CCND3: variants seen among roughly 807,000 people sequenced by gnomAD.
The protein encoded by CCND3 is cyclin D3.
CCND3 carries 9 observed loss-of-function variants against 28.7 expected under a neutral mutation model. The observed-to-expected ratio is 0.31, with a 90% CI of 0.19 to 0.55. The LOEUF is 0.55. Among genes scored for constraint, CCND3 ranks in the 20% least tolerant of loss-of-function variants. The pLI is 0.93. For missense variants in CCND3, 315 were observed against 385.8 expected, an observed-to-expected ratio of 0.82 and a Z score of 1.54; for synonymous variants, 164 against 163.9, an observed-to-expected ratio of 1.00 and a Z score of 0.00.
chr6:42,000,234 C>CGTTTT lies in CCND3; in HGVS notation c.-46+48266_-46+48267insAAAAC, dbSNP rs1762951898. Among the ~76,000 whole-genome samples the CGTTTT allele has an allele frequency of 7.8e-5, 4 of 51,010 alleles. 1 individual carries two copies. Among genetic ancestry groups the CGTTTT allele is most frequent in the Non-Finnish European group, 1.3e-4 (4 of 31,690 alleles). 33.5% of individuals were successfully genotyped at this position (51,010 alleles called of 152,430 possible). A position where few individuals can be genotyped will look rare whatever the true frequency, so the allele number is the denominator to read the frequency against. On this transcript the variant is annotated intron_variant, in intron 1 of 4. Transcript: ENST00000372988. ...AGTCTCGTGGAAATTTGAAAACATA[C>CGTTTT]TTTTTTTTTTTTTTTTTTTTTTTTT... is the stretch of plus-strand genomic sequence containing the variant.
At chr6:41,961,228 CT>C (rs1761707359) in intron 1 of CCND3, among the ~76,000 whole-genome samples, 1 of 152,028 alleles carries the variant, frequency 6.6e-6, no homozygotes, top group Non-Finnish European at 1.5e-5. Context: ...AATCCCAGCA[CT>C]TTGGGAGGCT....
intron 1 of CCND3, among the ~76,000 whole-genome samples, chr6:41,993,341 G>A (rs1381391729): frequency 1.3e-5 from 2 of 151,582 alleles, no homozygotes; most frequent in Admixed American, 6.6e-5. Flanking sequence ...GTTTTACTTG[G>A]ATTTCCCTGA....
intron 1 of CCND3, among the ~76,000 whole-genome samples, chr6:41,959,544 C>T (rs1042768593): frequency 1.3e-4 from 20 of 151,392 alleles, no homozygotes; most frequent in East Asian, 2.0e-4. Flanking sequence ...ATTAGCTGGG[C>T]GTGGTGGTGT....
At chr6:42,036,403 A>ATATATATT (rs57619585) in intron 1 of CCND3, among the ~76,000 whole-genome samples, 24 of 31,322 alleles carry the variant, frequency 7.7e-4, no homozygotes, top group South Asian at 2.1e-3. Flanking sequence ...ATATATATAT[A>ATATATATT]TTTTTTTTTT....
chr6:41,942,893 T>TTTTTC, upstream of CCND3, among the ~76,000 whole-genome samples: 1 of 147,616 alleles, frequency 6.8e-6, no homozygotes, highest in Admixed American at 6.7e-5. Context: ...TTTTTTTTTT[T>TTTTTC]TTTGAGACGA....
intron 1 of CCND3, among the ~76,000 whole-genome samples, chr6:41,995,163 T>C (rs1028779490): frequency 6.6e-6 from 1 of 152,178 alleles, no homozygotes; most frequent in African/African-American, 2.4e-5. Context: ...TTATTTATTA[T>C]AGCAAAAAAT....
intron 1 of CCND3, among the ~76,000 whole-genome samples, chr6:41,971,289 A>T (rs1473062417): frequency 6.6e-6 from 1 of 151,918 alleles, no homozygotes; most frequent in Non-Finnish European, 1.5e-5. Context: ...TTAGTTTTTC[A>T]GTTTTGTTTT....
intron 1 of CCND3, among the ~76,000 whole-genome samples, chr6:41,985,041 T>C (rs996128741): frequency 9.9e-5 from 15 of 152,182 alleles, no homozygotes. Flanking sequence ...CTTATATATT[T>C]TGAATATTAA....
chr6:41,970,515 T>A (rs984936898), intron 1 of CCND3, among the ~76,000 whole-genome samples: 1 of 152,146 alleles, frequency 6.6e-6, no homozygotes, highest in African/African-American at 2.4e-5. Flanking sequence ...AGAGGTTCAT[T>A]TGAGGTCACA....
chr6:41,967,912 G>A (rs1252350108), intron 1 of CCND3, among the ~76,000 whole-genome samples: 1 of 152,094 alleles, frequency 6.6e-6, no homozygotes, highest in Admixed American at 6.6e-5. Flanking sequence ...CCTTGAGTAG[G>A]CCAAATCATT....
intron 1 of CCND3, among the ~76,000 whole-genome samples, chr6:41,946,859 C>T (rs1203383991): frequency 6.6e-6 from 1 of 151,764 alleles, no homozygotes; most frequent in African/African-American, 2.4e-5. Context: ...CCGAGGTGGG[C>T]GGATCACCTG....
At chr6:42,026,189 A>C (rs886503715) in intron 1 of CCND3, among the ~76,000 whole-genome samples, 2 of 152,086 alleles carry the variant, frequency 1.3e-5, no homozygotes, top group Non-Finnish European at 2.9e-5. Flanking sequence ...CCCTGCTCAC[A>C]TTACATTTGA....
intron 1 of CCND3, among the ~76,000 whole-genome samples, chr6:42,013,933 G>A (rs762017209): frequency 2.0e-5 from 3 of 152,112 alleles, no homozygotes; most frequent in Admixed American, 6.6e-5. Flanking sequence ...TTAGCTGGGC[G>A]TGGTGGTGTG....
chr6:41,997,155 G>A (rs1428707313), intron 1 of CCND3, among the ~76,000 whole-genome samples: 2 of 152,184 alleles, frequency 1.3e-5, no homozygotes, highest in Non-Finnish European at 2.9e-5. Flanking sequence ...ACTCTCTTCT[G>A]ACTTCCTAGC....
chr6:41,946,553 A>G (rs2127398105), upstream of CCND3, among the ~76,000 whole-genome samples: 1 of 134,488 alleles, frequency 7.4e-6, no homozygotes, highest in East Asian at 2.6e-4. Flanking sequence ...GTGAGCCCAG[A>G]TCGCACTACT....
rs1336457636 is a variant in CCND3 at position 41,987,511 on chromosome 6, CTCTCTCTGTGTG to C, written c.-45-46938_-45-46927del. On this transcript the variant is annotated intron_variant, in intron 1 of 4. Coordinates refer to the CCND3 transcript ENST00000372988. ...TCTCTCTCTCTCTCTCTCTCTCTCT[CTCTCTCTGTGTG>C]TGTGTGTGTGTGTGTGTGTGTGTGT... is the stretch of plus-strand genomic sequence containing the variant. Among the ~76,000 whole-genome samples, 131 of 43,516 alleles carry C rather than the reference CTCTCTCTGTGTG, an allele frequency of 3.0e-3. 1 individual carries two copies. The East Asian group carries it at 0.035, about 12-fold the overall frequency. 28.5% of individuals were successfully genotyped at this position (43,516 alleles called of 152,430 possible).
intron 1 of CCND3, among the ~76,000 whole-genome samples, chr6:41,982,068 G>A (rs1281480539): frequency 6.6e-6 from 1 of 151,414 alleles, no homozygotes; most frequent in Non-Finnish European, 1.5e-5. Context: ...TCAGGAGTTC[G>A]AGACCAACAT....
At chr6:41,998,386 T>TC (rs1762878221) in intron 1 of CCND3, among the ~76,000 whole-genome samples, 1 of 147,276 alleles carries the variant, frequency 6.8e-6, no homozygotes, top group Admixed American at 6.8e-5. Context: ...CTTGCTTTTG[T>TC]CCCCCAGGCT....
intron 1 of CCND3, among the ~76,000 whole-genome samples, chr6:41,969,831 C>A (rs745823986): frequency 6.6e-6 from 1 of 152,162 alleles, no homozygotes; most frequent in African/African-American, 2.4e-5. Context: ...GCTTAAATCA[C>A]AGATCTACCA....
Sources: gnomAD v4.1 joint callset for allele counts (sites outside exome capture counted in the v4.1 genomes callset) on GRCh38, gnomAD v4.1.1 for gene constraint, MANE v1.5 for transcripts, NCBI Gene and HGNC (gene_info 2026-07-23, HGNC 2026-07-21) for gene names.